SNTG1: variants seen among roughly 807,000 people sequenced by gnomAD.
The protein encoded by SNTG1 is gamma-1-syntrophin.
Under a neutral mutation model 74.7 loss-of-function variants are expected in SNTG1, and 39 were observed. The ratio of observed to expected loss-of-function variants is 0.52; its 90% CI spans 0.40 to 0.68. SNTG1 has a LOEUF of 0.68. SNTG1 is among the 30% of genes least tolerant of loss of function. The pLI is 0.00. For synonymous variants in SNTG1, 254 were observed against 217.1 expected, an observed-to-expected ratio of 1.17 and a Z score of -1.49; for missense variants, 685 against 609.5, an observed-to-expected ratio of 1.12 and a Z score of -1.30.
intron 1 of SNTG1, among the ~76,000 whole-genome samples, chr8:49,921,485 G>A (rs986884422): frequency 2.6e-5 from 4 of 152,120 alleles, no homozygotes; most frequent in Non-Finnish European, 5.9e-5. Context: ...GAAAGATCAC[G>A]TTCATTCTAG....
At position 50,461,118 on chromosome 8, in the gene SNTG1, G is replaced by C. The variant is rs146251335; in HGVS notation, c.363+10389G>C. Among the ~76,000 whole-genome samples, 272 of 150,598 alleles carry C rather than the reference G, an allele frequency of 1.8e-3. 2 individuals are homozygous for C. Among genetic ancestry groups the C allele is most frequent in the African/African-American group, 6.1e-3 (251 of 40,894 alleles). ...TGAAAGTTTTAAGTAGTACTGGCCA[G>C]GTTGTTTTGTAGAATGTCCTTCAGC... On this transcript the variant is annotated intron_variant, in intron 8 of 18. Transcript: ENST00000642720.
chr8:50,560,637 G>A (rs1009879272), intron 12 of SNTG1, among the ~76,000 whole-genome samples: 12 of 152,198 alleles, frequency 7.9e-5, no homozygotes, highest in South Asian at 2.1e-4. Flanking sequence ...CAGACGCCAC[G>A]TCTTCTTACT....
chr8:50,187,573 T>TA (rs1202312171), intron 2 of SNTG1, among the ~76,000 whole-genome samples: 2 of 152,050 alleles, frequency 1.3e-5, no homozygotes, highest in Non-Finnish European at 2.9e-5. Flanking sequence ...CTTATAGAAT[T>TA]AAAAAAATAA....
intron 15 of SNTG1, among the ~76,000 whole-genome samples, chr8:50,668,511 ATTAT>A (rs1461433553): frequency 3.0e-5 from 1 of 33,550 alleles, no homozygotes; most frequent in African/African-American, 5.1e-5. Context: ...TATTATTATT[ATTAT>A]TATTATTATT....
intron 1 of SNTG1, among the ~76,000 whole-genome samples, chr8:49,918,449 T>C (rs1465996760): frequency 2.0e-5 from 3 of 152,190 alleles, no homozygotes; most frequent in African/African-American, 2.4e-5. Context: ...TTGACTAATA[T>C]CTGCAAATAT....
intron 9 of SNTG1, among the ~76,000 whole-genome samples, chr8:50,528,829 CTAATT>C (rs1281674510): frequency 6.6e-6 from 1 of 150,614 alleles, no homozygotes; most frequent in Non-Finnish European, 1.5e-5. Flanking sequence ...ATGGGTTTAT[CTAATT>C]TATTAGTTTC....
intron 8 of SNTG1, among the ~76,000 whole-genome samples, chr8:50,479,056 T>C (rs1373944909): frequency 1.3e-5 from 2 of 152,168 alleles, no homozygotes; most frequent in East Asian, 3.9e-4. Context: ...ATTTCATAGA[T>C]GAGAAAGATG....
intron 4 of SNTG1, among the ~76,000 whole-genome samples, chr8:50,404,941 T>C (rs899449686): frequency 2.6e-5 from 4 of 152,126 alleles, no homozygotes; most frequent in Non-Finnish European, 4.4e-5. Context: ...TCAATTATCA[T>C]AATGACTTTA....
rs1251564600 is a variant in SNTG1, at chr8:50,711,045, GTTA to G, written c.1284+2069_1284+2071del. 2.0e-5 allele frequency among the ~76,000 whole-genome samples: 3 copies of G among 152,136 alleles called. No individual in the cohort carries two copies. The East Asian group carries it at 5.8e-4, about 29-fold the overall frequency. On this transcript the variant is annotated intron_variant, in intron 17 of 18. Transcript: ENST00000642720. ...AGAATGAAAGTAGGAGCTATTAATA[GTTA>G]TGTCAGACATAAGGAGGAGGACAAG...
intron 17 of SNTG1, among the ~76,000 whole-genome samples, chr8:50,713,995 G>T (rs911624321): frequency 1.3e-5 from 2 of 150,438 alleles, no homozygotes; most frequent in Non-Finnish European, 2.9e-5. Context: ...GGAGACAGAG[G>T]TTGCCATGAG....
intron 1 of SNTG1, among the ~76,000 whole-genome samples, chr8:50,061,719 TTTCC>T (rs1215957186): frequency 6.6e-6 from 1 of 152,174 alleles, no homozygotes; most frequent in Non-Finnish European, 1.5e-5. Flanking sequence ...TATTTTTAGA[TTTCC>T]TTTATCATCT....
At chr8:50,540,958 T>G (rs2094342316) in intron 11 of SNTG1, among the ~76,000 whole-genome samples, 1 of 152,010 alleles carries the variant, frequency 6.6e-6, no homozygotes. Context: ...TTCTTTGTTG[T>G]TTTTAATCCA....
chr8:50,141,804 A>G (rs868565311), intron 1 of SNTG1, among the ~76,000 whole-genome samples: 1 of 152,172 alleles, frequency 6.6e-6, no homozygotes, highest in South Asian at 2.1e-4. Flanking sequence ...CCAATAACAT[A>G]TCTCATGATA....
intron 2 of SNTG1, among the ~76,000 whole-genome samples, chr8:50,301,887 C>A (rs569790182): frequency 6.7e-6 from 1 of 150,366 alleles, no homozygotes; most frequent in African/African-American, 2.5e-5. Flanking sequence ...GACAGAGTCT[C>A]GCTCTGTTGC....
intron 1 of SNTG1, among the ~76,000 whole-genome samples, chr8:50,005,184 T>C (rs897466379): frequency 3.3e-5 from 5 of 151,606 alleles, no homozygotes; most frequent in Admixed American, 1.3e-4. Context: ...CATAAAAGCA[T>C]ACCTAAAGAA....
At chr8:50,503,093 AC>A (rs59085637) in intron 9 of SNTG1, among the ~76,000 whole-genome samples, 20,323 of 152,160 alleles carry the variant, frequency 0.13, 2,294 homozygotes, top group African/African-American at 0.31. Flanking sequence ...GTTTTTTCTA[AC>A]CTACAATTGG....
chr8:49,940,463 C>T (rs984293645), intron 1 of SNTG1, among the ~76,000 whole-genome samples: 3 of 152,096 alleles, frequency 2.0e-5, no homozygotes, highest in African/African-American at 7.2e-5. Context: ...CCTGCTTTAT[C>T]TCTTAACTTG....
chr8:50,704,788 C>A, intron 16 of SNTG1, 36 bp downstream of exon 16: 1 of 1,609,716 alleles, frequency 6.2e-7, no homozygotes, highest in South Asian at 1.1e-5. Context: ...GTGTGGCTCC[C>A]TCAGATGCAT....
intron 1 of SNTG1, among the ~76,000 whole-genome samples, chr8:50,090,114 C>T (rs958162427): frequency 1.3e-5 from 2 of 152,272 alleles, no homozygotes; most frequent in African/African-American, 4.8e-5. Context: ...AAGTAAACAT[C>T]AATTAATTGT....
Sources: allele counts gnomAD v4.1 joint callset (sites outside exome capture counted in the v4.1 genomes callset), GRCh38; gene constraint gnomAD v4.1.1; transcripts MANE v1.5; gene names NCBI Gene and HGNC (gene_info 2026-07-23, HGNC 2026-07-21).